ELAVL2: variants seen among roughly 807,000 people sequenced by gnomAD.
The protein encoded by ELAVL2 is ELAV-like protein 2.
A neutral mutation model predicts 34.6 loss-of-function variants in ELAVL2; 4 were observed. That is an observed-to-expected ratio of 0.12 (90% CI 0.06 to 0.26). The LOEUF (loss-of-function observed/expected upper bound fraction) is 0.26. ELAVL2 is among the 10% of genes least tolerant of loss of function. The pLI is 1.00. For missense variants in ELAVL2, 432 were observed against 442.8 expected, an observed-to-expected ratio of 0.98 and a Z score of 0.22; for synonymous variants, 193 against 154.8, an observed-to-expected ratio of 1.25 and a Z score of -1.83.
chr9:23,765,244 C>T (rs1012325995), intron 1 of ELAVL2: 1 of 652,300 alleles, frequency 1.5e-6, no homozygotes, highest in Non-Finnish European at 2.5e-6. Context: ...CAATTCCAAT[C>T]TAATCTTTCC....
chr9:23,716,475 A>G (rs1200058492), intron 3 of ELAVL2, among the ~76,000 whole-genome samples: 1 of 152,190 alleles, frequency 6.6e-6, no homozygotes, highest in Admixed American at 6.5e-5. Context: ...CATTAAAACA[A>G]AAACAAAACA....
intron 2 of ELAVL2, among the ~76,000 whole-genome samples, chr9:23,749,664 C>T (rs1488191232): frequency 6.6e-6 from 1 of 152,046 alleles, no homozygotes; most frequent in Non-Finnish European, 1.5e-5. Context: ...AGTGAGGGTG[C>T]AGAACGTGAC....
the ELAVL2 span, among the ~76,000 whole-genome samples, chr9:23,836,661 A>ATG: frequency 1.1e-4 from 16 of 151,212 alleles, no homozygotes; most frequent in East Asian, 3.9e-4. Context: ...GTGTGCATGC[A>ATG]TGTGTGTGTG....
At chr9:23,827,508 T>C (rs13300750), upstream of ELAVL2, among the ~76,000 whole-genome samples, 1 of 152,098 alleles carries the variant, frequency 6.6e-6, no homozygotes, top group African/African-American at 2.4e-5. Context: ...ACCAACTTCC[T>C]AGACAGTTTT....
At position 23,690,682 on chromosome 9, in the gene ELAVL2, C is replaced by T. The variant is rs1002230874; in HGVS notation, c.*1875G>A. 6.6e-6 allele frequency: 1 copy of T among 152,622 alleles called. No individual in the cohort carries two copies. Among genetic ancestry groups the T allele is most frequent in the African/African-American group, 2.4e-5 (1 of 41,532 alleles). The allele number at this position is 152,622 out of a possible 1,614,324, so 9.5% of individuals were successfully genotyped here. A position where few individuals can be genotyped will look rare whatever the true frequency, so the allele number is the denominator to read the frequency against. On this transcript the variant is annotated 3_prime_UTR_variant, in exon 7 of 7. Coordinates refer to ENST00000397312, the MANE Select transcript of ELAVL2 (RefSeq NM_004432.5). Reference sequence around the variant, plus strand: ...TCAAAGCAACCGCAAAGATAATGTACAACTATGTTATGCATAGCACATTGC... The same window carrying T: ...TCAAAGCAACCGCAAAGATAATGTATAACTATGTTATGCATAGCACATTGC...
intron 1 of ELAVL2, among the ~76,000 whole-genome samples, chr9:23,812,029 TC>T (rs2063077646): frequency 6.6e-6 from 1 of 152,116 alleles, no homozygotes; most frequent in Non-Finnish European, 1.5e-5. Context: ...CCTGGCCTGA[TC>T]CCTTGATTCC....
intron 1 of ELAVL2, among the ~76,000 whole-genome samples, chr9:23,817,923 A>G (rs1273473644): frequency 6.6e-6 from 1 of 152,242 alleles, no homozygotes; most frequent in Non-Finnish European, 1.5e-5. Flanking sequence ...CTGCCTTTCA[A>G]GCTTAAGTGT....
chr9:23,779,062 G>A (rs2058676592), intron 1 of ELAVL2, among the ~76,000 whole-genome samples: 1 of 152,170 alleles, frequency 6.6e-6, no homozygotes, highest in African/African-American at 2.4e-5. Context: ...AGTGAGTAGG[G>A]CAGCACACAA....
At chr9:23,793,817 C>T (rs932503312) in intron 1 of ELAVL2, among the ~76,000 whole-genome samples, 1 of 152,162 alleles carries the variant, frequency 6.6e-6, no homozygotes, top group African/African-American at 2.4e-5. Flanking sequence ...ACTATTTTCT[C>T]CACTCATGAT....
In ELAVL2 at chr9:23,701,631, G is replaced by A. The variant is rs780839790; in HGVS notation, c.488-27C>T. On this transcript the variant is annotated intron_variant, in intron 4 of 6. Coordinates refer to ENST00000397312, the MANE Select transcript of ELAVL2 (RefSeq NM_004432.5). ...TATGGTAGATTTGAGTAAAGATTTG[G>A]AAAAGAGGGAACAGAAGGAGAAGGG... is the stretch of plus-strand genomic sequence containing the variant. 12 of 1,605,954 alleles carry A rather than the reference G, an allele frequency of 7.5e-6. No individual in the cohort carries two copies. In the South Asian group the frequency reaches 1.2e-4, roughly 16 times the overall value.
chr9:23,800,224 T>C (rs1411757087), intron 1 of ELAVL2, among the ~76,000 whole-genome samples: 1 of 152,168 alleles, frequency 6.6e-6, no homozygotes, highest in Non-Finnish European at 1.5e-5. Flanking sequence ...AAGGCTTGGA[T>C]AGGTGGAGTG....
chr9:23,838,637 A>G, the ELAVL2 span, among the ~76,000 whole-genome samples: 1 of 151,600 alleles, frequency 6.6e-6, no homozygotes, highest in Admixed American at 6.6e-5. Flanking sequence ...TCCTTCCCTT[A>G]CTGACTATCT....
chr9:23,783,991 GA>G (rs2136940001), intron 1 of ELAVL2, among the ~76,000 whole-genome samples: 1 of 151,938 alleles, frequency 6.6e-6, no homozygotes, highest in African/African-American at 2.4e-5. Flanking sequence ...TCAGGAGATC[GA>G]GACCATCCTG....
intron 2 of ELAVL2, among the ~76,000 whole-genome samples, chr9:23,755,331 G>A (rs2053285916): frequency 6.6e-6 from 1 of 152,106 alleles, no homozygotes; most frequent in African/African-American, 2.4e-5. Flanking sequence ...AATCAAGGCT[G>A]ACACTGAAAA....
At position 23,771,325 on chromosome 9, in the gene ELAVL2, A is replaced by T. The variant is rs562145485; in HGVS notation, c.-15-9076T>A. On this transcript the variant is annotated intron_variant, in intron 1 of 6. Transcript: ENST00000397312. Reference sequence around the variant, plus strand: ...CTGCTCACATTCCTACAAACCACCAAAACATTTACTATGCTCTGGACACTA... The same window carrying T: ...CTGCTCACATTCCTACAAACCACCATAACATTTACTATGCTCTGGACACTA... Among the ~76,000 whole-genome samples the T allele has an allele frequency of 3.3e-5, 5 of 152,302 alleles. No individual in the cohort carries two copies. The East Asian group carries it at 9.6e-4, about 29-fold the overall frequency.
chr9:23,717,417 TGTAAA>T (rs1288704757), intron 3 of ELAVL2, among the ~76,000 whole-genome samples: 1 of 152,192 alleles, frequency 6.6e-6, no homozygotes, highest in African/African-American at 2.4e-5. Context: ...GGGGGATAAA[TGTAAA>T]GTACAGGGCT....
intron 4 of ELAVL2, among the ~76,000 whole-genome samples, chr9:23,703,852 G>A (rs965024660): frequency 1.3e-5 from 2 of 152,112 alleles, no homozygotes; most frequent in Non-Finnish European, 2.9e-5. Context: ...TGGTACTACA[G>A]CTAATATTTC....
the ELAVL2 span, among the ~76,000 whole-genome samples, chr9:23,843,888 C>G: frequency 6.6e-6 from 1 of 151,972 alleles, no homozygotes; most frequent in African/African-American, 2.4e-5. Context: ...CCCGGCTGTG[C>G]ACATTTGTCA....
chr9:23,756,321 C>T (rs1228676382), intron 2 of ELAVL2, among the ~76,000 whole-genome samples: 4 of 152,164 alleles, frequency 2.6e-5, no homozygotes, highest in Non-Finnish European at 5.9e-5. Flanking sequence ...ATCAACATCT[C>T]TTTGGGCCCT....
Sources: gnomAD v4.1 joint callset for allele counts (sites outside exome capture counted in the v4.1 genomes callset) on GRCh38, gnomAD v4.1.1 for gene constraint, MANE v1.5 for transcripts, NCBI Gene and HGNC (gene_info 2026-07-23, HGNC 2026-07-21) for gene names.